The following PDE9A variants were observed in gnomAD, a reference collection of about 807,000 sequenced individuals.
The protein encoded by PDE9A is high affinity cGMP-specific 3',5'-cyclic phosphodiesterase 9A.
Under a neutral mutation model 87.4 loss-of-function variants are expected in PDE9A, and 60 were observed. The observed-to-expected ratio is 0.69, with a 90% CI of 0.56 to 0.85. The LOEUF (loss-of-function observed/expected upper bound fraction) is 0.85, where lower values mean the gene tolerates loss of function less well. PDE9A is among the 40% of genes least tolerant of loss of function. The probability of loss-of-function intolerance (pLI) is 0.00; values close to 1 mark genes in which losing one functional copy is unlikely to be tolerated. For synonymous variants in PDE9A, 272 were observed against 279.4 expected (o/e 0.97, Z 0.27); for missense variants, 665 against 779.0 (o/e 0.85, Z 1.74).
At position 42,739,709 on chromosome 21, in the gene PDE9A, C is replaced by T. The variant is rs961709046; in HGVS notation, c.569-4067C>T. ...TCACCTCAATAGGTAGCCAGGGAAG[C>T]GGATCTCGGTGGACTCTGCACTGTC... is the stretch of plus-strand genomic sequence containing the variant. On this transcript the variant is annotated intron_variant, in intron 7 of 19. Coordinates refer to ENST00000291539, the MANE Select transcript of PDE9A (RefSeq NM_002606.3). The surrounding 1 kb of genome is among the most constrained non-coding windows in gnomAD (Gnocchi z 4.1). Among the ~76,000 whole-genome samples the T allele has an allele frequency of 1.3e-5, 2 of 151,986 alleles. No individual in the cohort carries two copies. The highest frequency in any genetic ancestry group is 2.9e-5 in the Non-Finnish European group (2 of 68,010).
At chr21:42,768,880 C>T in intron 16 of PDE9A, 147 bp from the exon 17 acceptor site, 2 of 1,474,540 alleles carry the variant, frequency 1.4e-6, no homozygotes, top group East Asian at 4.7e-5. Context: ...GATAGGGTCA[C>T]CTTCTCCTTG....
intron 1 of PDE9A, among the ~76,000 whole-genome samples, chr21:42,671,113 T>C (rs939458328): frequency 1.3e-5 from 2 of 152,106 alleles, no homozygotes; most frequent in Non-Finnish European, 1.5e-5. Flanking sequence ...ACAGTGCAGA[T>C]GGACTAGCAC....
chr21:42,762,282 C>T (rs1330714931), intron 14 of PDE9A, 43 bp downstream of exon 14: 1 of 1,592,330 alleles, frequency 6.3e-7, no homozygotes, highest in Middle Eastern at 1.7e-4. Context: ...GGGGCACATT[C>T]AGGGACAGAG....
In PDE9A at chr21:42,760,555, GC is replaced by G. The variant is rs2055613635; in HGVS notation, c.1002+127del. The stretch of plus-strand genomic sequence containing the variant: ...CAGGCGTGGGGTCCCCAGCCGCTCC[GC>G]CCCTCCTAGGGACGCACCCCTGCCC... On this transcript the variant is annotated intron_variant, in intron 12 of 19. Coordinates refer to ENST00000291539, the MANE Select transcript of PDE9A (RefSeq NM_002606.3). This position sits in a 1 kb window ranked among gnomAD's most constrained non-coding sequence, Gnocchi z 5.2. The G allele has an allele frequency of 3.0e-6, 2 of 663,254 alleles. No individual in the cohort carries two copies. Among genetic ancestry groups the G allele is most frequent in the Non-Finnish European group, 5.3e-6 (2 of 376,470 alleles). 41.1% of individuals were successfully genotyped at this position (663,254 alleles called of 1,614,324 possible).
intron 8 of PDE9A, among the ~76,000 whole-genome samples, chr21:42,747,666 A>AGGGCAG (rs1262933831): frequency 6.6e-6 from 1 of 152,216 alleles, no homozygotes; most frequent in Non-Finnish European, 1.5e-5. Context: ...GCTTACATTT[A>AGGGCAG]GGGCAGGGGC....
chr21:42,769,238 T>A, intron 17 of PDE9A, 83 bp downstream of exon 17: 3 of 1,291,954 alleles, frequency 2.3e-6, no homozygotes, highest in Non-Finnish European at 3.3e-6. Flanking sequence ...TATACACATA[T>A]GCACACAGGT....
chr21:42,708,876 A>G (rs1205886080), intron 4 of PDE9A, among the ~76,000 whole-genome samples: 1 of 152,132 alleles, frequency 6.6e-6, no homozygotes, highest in African/African-American at 2.4e-5. Flanking sequence ...GAGTTTTGAT[A>G]GAAGTGCATG....
In PDE9A at chr21:42,675,700, C is replaced by T. The variant is rs1344033656; in HGVS notation, c.70-10492C>T. 1.3e-5 allele frequency among the ~76,000 whole-genome samples: 2 copies of T among 152,188 alleles called. No homozygotes were observed. Among genetic ancestry groups the T allele is most frequent in the Non-Finnish European group, 2.9e-5 (2 of 68,046 alleles). On this transcript the variant is annotated intron_variant, in intron 1 of 19. Transcript: ENST00000291539. The surrounding 1 kb of genome is among the most constrained non-coding windows in gnomAD (Gnocchi z 4.3). ...GAGTCCCATGCAGCCATAAGAAAGA[C>T]AACGGAGAGATCTGTGTACCCTCCA...
chr21:42,726,620 A>ATTTTTTTTTT lies in PDE9A; in HGVS notation c.263-5149_263-5148insTTTTTTTTTT, dbSNP rs1246828424. On this transcript the variant is annotated intron_variant, in intron 4 of 19. Coordinates refer to ENST00000291539, the MANE Select transcript of PDE9A (RefSeq NM_002606.3). The stretch of plus-strand genomic sequence containing the variant: ...TATATATATATATATATATATATAT[A>ATTTTTTTTTT]TATATTTTTTTTTTTTTTTTTGTAG... Among the ~76,000 whole-genome samples the ATTTTTTTTTT allele has an allele frequency of 3.3e-3, 80 of 24,226 alleles. 3 individuals are homozygous for ATTTTTTTTTT. The highest frequency in any genetic ancestry group is 0.012 in the African/African-American group (48 of 4,082). The allele number at this position is 24,226 out of a possible 152,430, so 15.9% of individuals were successfully genotyped here. A position where few individuals can be genotyped will look rare whatever the true frequency, so the allele number is the denominator to read the frequency against.
At chr21:42,682,177 C>T (rs2059200919) in intron 1 of PDE9A, among the ~76,000 whole-genome samples, 2 of 152,248 alleles carry the variant, frequency 1.3e-5, no homozygotes, top group South Asian at 4.1e-4. Flanking sequence ...TTTTACTGAA[C>T]TGATGAATCG....
chr21:42,687,814 G>A, intron 2 of PDE9A, 103 bp from the exon 3 acceptor site: 1 of 983,056 alleles, frequency 1.0e-6, no homozygotes, highest in South Asian at 1.3e-5. Flanking sequence ...GCTGGTCCTG[G>A]GACTGTCCTG....
In PDE9A at chr21:42,741,696, G is replaced by GGAAACGCCTA. The variant is rs1555935452; in HGVS notation, c.569-2071_569-2070insAGAAACGCCT. On this transcript the variant is annotated intron_variant, in intron 7 of 19. Coordinates refer to ENST00000291539, the MANE Select transcript of PDE9A (RefSeq NM_002606.3). Reference sequence around the variant, plus strand: ...ATGCCCCTACTTGACCCCTGACCCTGGAAACGCCTCGAAACCCACCCGGGA... The same window carrying GGAAACGCCTA: ...ATGCCCCTACTTGACCCCTGACCCTGGAAACGCCTAGAAACGCCTCGAAACCCACCCGGGA... 5 of 151,622 alleles carry GGAAACGCCTA rather than the reference G, an allele frequency of 3.3e-5. No individual in the cohort carries two copies. In the East Asian group the frequency reaches 5.9e-4, roughly 18 times the overall value. The allele number at this position is 151,622 out of a possible 1,614,324, so 9.4% of individuals were successfully genotyped here. A position where few individuals can be genotyped will look rare whatever the true frequency, so the allele number is the denominator to read the frequency against.
intron 17 of PDE9A, among the ~76,000 whole-genome samples, chr21:42,769,440 G>A (rs895075932): frequency 6.0e-5 from 6 of 99,246 alleles, no homozygotes; most frequent in African/African-American, 9.1e-5. Context: ...GCACACACAT[G>A]TACACAGGCA....
chr21:42,658,444 C>T (rs2145791954), intron 1 of PDE9A, among the ~76,000 whole-genome samples: 1 of 152,366 alleles, frequency 6.6e-6, no homozygotes, highest in East Asian at 1.9e-4. Flanking sequence ...CTGCCCCAAC[C>T]TTGTCTGGTG....
chr21:42,672,559 C>T (rs1026094223), intron 1 of PDE9A, among the ~76,000 whole-genome samples: 1 of 152,260 alleles, frequency 6.6e-6, no homozygotes, highest in African/African-American at 2.4e-5. Flanking sequence ...CCCCTGAACG[C>T]ATGCCAAAGG....
At chr21:42,753,525 C>A (rs544982923) in intron 9 of PDE9A, among the ~76,000 whole-genome samples, 1 of 152,288 alleles carries the variant, frequency 6.6e-6, no homozygotes, top group South Asian at 2.1e-4. Context: ...TTGGCCCTTT[C>A]CAGAAGTATG....
chr21:42,721,565 G>A (rs79136729), intron 4 of PDE9A, among the ~76,000 whole-genome samples: 129 of 152,338 alleles, frequency 8.5e-4, no homozygotes, highest in African/African-American at 3.1e-3. Flanking sequence ...TGTCGTCCTT[G>A]ATCTGAATGT....
chr21:42,721,751 C>A (rs1268159962), intron 4 of PDE9A, among the ~76,000 whole-genome samples: 1 of 152,052 alleles, frequency 6.6e-6, no homozygotes, highest in Non-Finnish European at 1.5e-5. Context: ...CCCTCGCTGA[C>A]AGGGAAGCCT....
chr21:42,680,630 C>T (rs913152131), intron 1 of PDE9A, among the ~76,000 whole-genome samples: 1 of 152,252 alleles, frequency 6.6e-6, no homozygotes, highest in Non-Finnish European at 1.5e-5. Flanking sequence ...CCGTACCAAC[C>T]GTGAGCTGAG....
Sources: allele counts gnomAD v4.1 joint callset (sites outside exome capture counted in the v4.1 genomes callset), GRCh38; gene constraint gnomAD v4.1.1; non-coding constraint Gnocchi (gnomAD v3.1); transcripts MANE v1.5; gene names NCBI Gene and HGNC (gene_info 2026-07-23, HGNC 2026-07-21).